Variants in TLK1 observed in about 807,000 individuals in gnomAD.
TLK1 encodes tousled like kinase 1, also known as serine/threonine-protein kinase tousled-like 1.
In TLK1, 24 loss-of-function variants were observed where a neutral mutation model predicts 105.3. The observed-to-expected ratio is 0.23, with a 90% CI of 0.17 to 0.32. The LOEUF (loss-of-function observed/expected upper bound fraction) is 0.32, where lower values mean the gene tolerates loss of function less well. Among genes scored for constraint, TLK1 ranks in the 10% least tolerant of loss-of-function variants. TLK1 has a pLI of 1.00. For missense variants in TLK1, 558 were observed against 910.5 expected (o/e 0.61, Z 4.98); for synonymous variants, 321 against 310.4 (o/e 1.03, Z -0.36).
At chr2:171,165,535 G>A (rs1302720366), upstream of TLK1, among the ~76,000 whole-genome samples, 2 of 147,240 alleles carry the variant, frequency 1.4e-5, no homozygotes, top group African/African-American at 5.2e-5. Flanking sequence ...ATACTAAAAT[G>A]CATTTTATAC....
intron 2 of TLK1, among the ~76,000 whole-genome samples, chr2:171,092,383 AAGAC>A (rs1452156596): frequency 7.2e-5 from 11 of 152,198 alleles, no homozygotes; most frequent in Non-Finnish European, 1.3e-4. Context: ...GCAAAACTGT[AAGAC>A]AGACTAAGTT....
At chr2:171,174,951 G>T (rs1447917275) in intron 1 of TLK1, among the ~76,000 whole-genome samples, 2 of 152,028 alleles carry the variant, frequency 1.3e-5, no homozygotes, top group South Asian at 2.1e-4. Context: ...CACTCAGTAA[G>T]TACAATCAAG....
intron 1 of TLK1, among the ~76,000 whole-genome samples, chr2:171,169,922 T>C (rs936416315): frequency 1.3e-5 from 2 of 152,206 alleles, no homozygotes; most frequent in East Asian, 1.9e-4. Context: ...AGGAACCCAC[T>C]AGCAGAATCA....
chr2:171,133,831 CATTT>C (rs1349855861), intron 1 of TLK1, among the ~76,000 whole-genome samples: 2 of 150,432 alleles, frequency 1.3e-5, no homozygotes, highest in African/African-American at 4.9e-5. Context: ...CTAAACATAA[CATTT>C]ATTTATGTTT....
chr2:171,090,657 A>T (rs1689188974), intron 2 of TLK1, among the ~76,000 whole-genome samples: 1 of 152,194 alleles, frequency 6.6e-6, no homozygotes. Flanking sequence ...TTCAGTATTA[A>T]TTCTTTGGAG....
intron 1 of TLK1, among the ~76,000 whole-genome samples, chr2:171,174,945 CAGTA>C (rs1692793602): frequency 6.6e-6 from 1 of 152,130 alleles, no homozygotes; most frequent in Non-Finnish European, 1.5e-5. Context: ...CAACTTCACT[CAGTA>C]AGTACAATCA....
At chr2:171,218,609 T>C (rs1191496134) in intron 1 of TLK1, among the ~76,000 whole-genome samples, 1 of 152,180 alleles carries the variant, frequency 6.6e-6, no homozygotes, top group South Asian at 2.1e-4. Flanking sequence ...AAGATCAAGG[T>C]GCCAGCAGGT....
chr2:171,136,700 G>C (rs1367912237), intron 1 of TLK1, among the ~76,000 whole-genome samples: 2 of 152,146 alleles, frequency 1.3e-5, no homozygotes, highest in African/African-American at 4.8e-5. Flanking sequence ...TTTGGTCCTT[G>C]ACTTTTCTTG....
rs1213006547 is a variant in TLK1 at position 170,993,625 on chromosome 2, T to C, written c.*155A>G. 5.2e-6 allele frequency: 3 copies of C among 575,254 alleles called. No individual in the cohort carries two copies. Among genetic ancestry groups the C allele is most frequent in the Non-Finnish European group, 5.3e-6 (2 of 375,474 alleles). The allele number at this position is 575,254 out of a possible 1,614,324, so 35.6% of individuals were successfully genotyped here. A position where few individuals can be genotyped will look rare whatever the true frequency, so the allele number is the denominator to read the frequency against. On this transcript the variant is annotated 3_prime_UTR_variant, in exon 21 of 21. Transcript: ENST00000431350. ...ATCCTCTCTCATACAAATGACACTA[T>C]GAGGAACTTCAGTTCACAAACAGTT... is the stretch of plus-strand genomic sequence containing the variant.
intron 13 of TLK1, among the ~76,000 whole-genome samples, chr2:171,013,172 T>G (rs1685005051): frequency 1.3e-5 from 2 of 151,488 alleles, no homozygotes; most frequent in Admixed American, 1.3e-4. Flanking sequence ...ACCACAACGC[T>G]GGGCTAGTGT....
At chr2:171,102,194 A>G (rs1689720797) in intron 2 of TLK1, among the ~76,000 whole-genome samples, 1 of 152,108 alleles carries the variant, frequency 6.6e-6, no homozygotes, top group Admixed American at 6.5e-5. Flanking sequence ...TTTCTTTCAA[A>G]CAGGTGAGTA....
intron 14 of TLK1, among the ~76,000 whole-genome samples, chr2:171,009,806 T>C (rs1559339308): frequency 6.6e-6 from 1 of 152,214 alleles, no homozygotes; most frequent in Non-Finnish European, 1.5e-5. Context: ...GATTTAAACC[T>C]AGCTGTCTGG....
At chr2:171,097,404 T>C (rs189413216) in intron 2 of TLK1, among the ~76,000 whole-genome samples, 24 of 152,286 alleles carry the variant, frequency 1.6e-4, no homozygotes, top group South Asian at 4.1e-4. Context: ...CTTGTTGACA[T>C]TGGTCTGGGC....
chr2:171,207,442 T>G (rs1229887192), intron 1 of TLK1, among the ~76,000 whole-genome samples: 1 of 152,156 alleles, frequency 6.6e-6, no homozygotes, highest in African/African-American at 2.4e-5. Context: ...TAACAGTGGA[T>G]ATATGTCACC....
At chr2:171,139,803 T>C (rs188189439) in intron 1 of TLK1, among the ~76,000 whole-genome samples, 38 of 59,000 alleles carry the variant, frequency 6.4e-4, no homozygotes, top group African/African-American at 2.7e-3. Flanking sequence ...AATTTTTCCA[T>C]GGACCAGGGG....
intron 2 of TLK1, among the ~76,000 whole-genome samples, chr2:171,095,857 G>T (rs1165667813): frequency 1.3e-5 from 2 of 151,158 alleles, no homozygotes; most frequent in African/African-American, 4.9e-5. Flanking sequence ...AGGTATAGAA[G>T]AAATGTACCC....
intron 1 of TLK1, chr2:171,231,100 T>C (rs1693987763): frequency 6.6e-6 from 1 of 152,200 alleles, no homozygotes; most frequent in Non-Finnish European, 1.5e-5. Context: ...TTGCAAATTA[T>C]CCCAAATTTG....
At chr2:171,053,990 T>C in intron 7 of TLK1, 137 bp from the exon 8 acceptor site, 1 of 602,602 alleles carries the variant, frequency 1.7e-6, no homozygotes, top group South Asian at 2.5e-5. Flanking sequence ...CTCAAAAAGT[T>C]TTAGTGCAGT....
chr2:171,055,771 C>T (rs1687472791), intron 6 of TLK1, among the ~76,000 whole-genome samples: 1 of 151,748 alleles, frequency 6.6e-6, no homozygotes, highest in Admixed American at 6.6e-5. Flanking sequence ...CCAAGTATGT[C>T]TAAAGACAAA....
Sources: gnomAD v4.1 joint callset for allele counts (sites outside exome capture counted in the v4.1 genomes callset) on GRCh38, gnomAD v4.1.1 for gene constraint, MANE v1.5 for transcripts, NCBI Gene and HGNC (gene_info 2026-07-23, HGNC 2026-07-21) for gene names.